FGF14: variants seen among roughly 807,000 people sequenced by gnomAD.
The protein encoded by FGF14 is fibroblast growth factor homologous factor 4.
Under a neutral mutation model 25.5 loss-of-function variants are expected in FGF14, and 5 were observed. The observed-to-expected ratio is 0.20, with a 90% CI of 0.10 to 0.41. The LOEUF is 0.41. Among genes scored for constraint, FGF14 ranks in the 10% least tolerant of loss-of-function variants. FGF14 has a pLI of 1.00. For synonymous variants in FGF14, 138 were observed against 118.3 expected, an observed-to-expected ratio of 1.17 and a Z score of -1.08; for missense variants, 222 against 320.1, an observed-to-expected ratio of 0.69 and a Z score of 2.34.
intron 1 of FGF14, chr13:102,395,620 A>T (rs953320411): frequency 3.3e-5 from 5 of 152,248 alleles, no homozygotes; most frequent in Non-Finnish European, 4.4e-5. Flanking sequence ...AGTAAAATGT[A>T]TCGTCCTGCC....
intron 1 of FGF14, among the ~76,000 whole-genome samples, chr13:102,254,033 C>T (rs970852646): frequency 1.3e-5 from 2 of 152,152 alleles, no homozygotes; most frequent in African/African-American, 4.8e-5. Context: ...ACAATGAACA[C>T]AGTACACGGT....
At chr13:101,979,950 A>C (rs1322498312) in intron 1 of FGF14, among the ~76,000 whole-genome samples, 6 of 152,226 alleles carry the variant, frequency 3.9e-5, no homozygotes, top group African/African-American at 1.4e-4. Context: ...ATTGCCAGTC[A>C]ACACTAAATC....
Position 101,722,751 on chromosome 13 carries a change from A to G in FGF14, c.*80T>C, listed in dbSNP as rs775719743. The G allele has an allele frequency of 1.9e-4, 295 of 1,584,332 alleles. No individual in the cohort carries two copies. The highest frequency in any genetic ancestry group is 2.3e-4 in the Non-Finnish European group (268 of 1,154,346). On this transcript the variant is annotated 3_prime_UTR_variant, in exon 5 of 5. Coordinates refer to ENST00000376143, the MANE Select transcript of FGF14 (RefSeq NM_004115.4). The stretch of plus-strand genomic sequence containing the variant: ...GCTTACTTCCTGCTGCTCTTCAGCC[A>G]CGGAGCAGGAATGTCTGGTGAGGAT...
chr13:101,996,085 G>T (rs912384539), intron 1 of FGF14, among the ~76,000 whole-genome samples: 11 of 152,072 alleles, frequency 7.2e-5, no homozygotes, highest in Non-Finnish European at 1.0e-4. Context: ...ATTTCACATT[G>T]TATGCTTGTA....
intron 1 of FGF14, among the ~76,000 whole-genome samples, chr13:102,361,396 A>G (rs979985497): frequency 5.3e-5 from 8 of 152,282 alleles, no homozygotes; most frequent in African/African-American, 1.9e-4. Flanking sequence ...AATGTTCAAA[A>G]CATTCAGGTG....
intron 1 of FGF14, among the ~76,000 whole-genome samples, chr13:101,996,603 T>C (rs2039200201): frequency 6.6e-6 from 1 of 152,106 alleles, no homozygotes; most frequent in Non-Finnish European, 1.5e-5. Flanking sequence ...GTCCCTGAAA[T>C]GGAACTCAGA....
intron 3 of FGF14, among the ~76,000 whole-genome samples, chr13:101,744,976 C>G (rs1594102979): frequency 1.3e-5 from 2 of 151,928 alleles, no homozygotes; most frequent in Non-Finnish European, 2.9e-5. Flanking sequence ...TGTTTGAACA[C>G]TAGTATGTGG....
intron 1 of FGF14, among the ~76,000 whole-genome samples, chr13:102,161,172 A>AG (rs2047605997): frequency 6.6e-6 from 1 of 152,218 alleles, no homozygotes; most frequent in South Asian, 2.1e-4. Flanking sequence ...ACAATGTATC[A>AG]GGTACTAAGT....
chr13:102,053,007 T>C (rs1277297522), intron 1 of FGF14, among the ~76,000 whole-genome samples: 1 of 152,004 alleles, frequency 6.6e-6, no homozygotes, highest in Non-Finnish European at 1.5e-5. Context: ...AAGATGTAAA[T>C]TGTAACATCA....
intron 1 of FGF14, among the ~76,000 whole-genome samples, chr13:102,230,960 T>G (rs1050138950): frequency 7.2e-5 from 11 of 152,314 alleles, no homozygotes; most frequent in African/African-American, 2.4e-4. Flanking sequence ...AGAGTTAAAA[T>G]GACATACTCA....
intron 1 of FGF14, among the ~76,000 whole-genome samples, chr13:102,235,696 G>A (rs956994960): frequency 6.6e-6 from 1 of 152,014 alleles, no homozygotes; most frequent in African/African-American, 2.4e-5. Flanking sequence ...TCTCTTCAAG[G>A]CAACTGGATA....
intron 1 of FGF14, among the ~76,000 whole-genome samples, chr13:102,278,519 T>C (rs1305859976): frequency 6.6e-6 from 1 of 152,150 alleles, no homozygotes; most frequent in Non-Finnish European, 1.5e-5. Context: ...AAATGCATCA[T>C]TCCTTCTGGA....
chr13:101,896,712 C>T (rs569830554), intron 1 of FGF14, among the ~76,000 whole-genome samples: 16 of 152,216 alleles, frequency 1.1e-4, no homozygotes, highest in South Asian at 2.1e-4. Flanking sequence ...CCTACATGCA[C>T]GCAGGCAGAC....
At chr13:102,211,325 T>C (rs1450401463) in intron 1 of FGF14, among the ~76,000 whole-genome samples, 1 of 152,156 alleles carries the variant, frequency 6.6e-6, no homozygotes, top group Non-Finnish European at 1.5e-5. Context: ...CACTCTTATC[T>C]AAGAAAACAT....
intron 3 of FGF14, among the ~76,000 whole-genome samples, chr13:101,748,073 C>G (rs2037006826): frequency 6.6e-6 from 1 of 151,812 alleles, no homozygotes; most frequent in African/African-American, 2.4e-5. Flanking sequence ...TCTCAAAGAA[C>G]TAAAAATAGA....
chr13:102,221,850 G>T, intron 1 of FGF14, among the ~76,000 whole-genome samples: 1 of 152,092 alleles, frequency 6.6e-6, no homozygotes, highest in South Asian at 2.1e-4. Flanking sequence ...TAAAATTCTT[G>T]TCTTTTGTAT....
chr13:102,176,844 T>A (rs1360691059), intron 1 of FGF14, among the ~76,000 whole-genome samples: 1 of 152,064 alleles, frequency 6.6e-6, no homozygotes, highest in Non-Finnish European at 1.5e-5. Context: ...CATTAAATTG[T>A]AAACATTAAA....
chr13:102,036,263 A>T (rs542674829), intron 1 of FGF14, among the ~76,000 whole-genome samples: 1 of 152,152 alleles, frequency 6.6e-6, no homozygotes, highest in African/African-American at 2.4e-5. Context: ...GTGGGAAACA[A>T]TATGTAAGGT....
intron 1 of FGF14, among the ~76,000 whole-genome samples, chr13:101,977,620 A>T (rs1193348398): frequency 6.6e-6 from 1 of 152,162 alleles, no homozygotes; most frequent in Non-Finnish European, 1.5e-5. Context: ...TGAGCTGGAC[A>T]AGAGAGCAGA....
Sources: allele counts gnomAD v4.1 joint callset (sites outside exome capture counted in the v4.1 genomes callset), GRCh38; gene constraint gnomAD v4.1.1; transcripts MANE v1.5; gene names NCBI Gene and HGNC (gene_info 2026-07-23, HGNC 2026-07-21).